Variants in INTU observed in about 807,000 individuals in gnomAD.
INTU encodes protein inturned.
In INTU, 68 loss-of-function variants were observed where a neutral mutation model predicts 100.5. The observed-to-expected ratio is 0.68, with a 90% CI of 0.56 to 0.83. INTU has a LOEUF of 0.83. Among genes scored for constraint, INTU ranks in the 40% least tolerant of loss-of-function variants. The probability of loss-of-function intolerance (pLI) is 0.00; values close to 1 mark genes in which losing one functional copy is unlikely to be tolerated. For synonymous variants in INTU, 357 were observed against 395.7 expected, an observed-to-expected ratio of 0.90 and a Z score of 1.16; for missense variants, 1,071 against 1,114.7, an observed-to-expected ratio of 0.96 and a Z score of 0.56.
intron 8 of INTU, among the ~76,000 whole-genome samples, chr4:127,694,957 C>T (rs374205195): frequency 9.2e-5 from 14 of 152,260 alleles, no homozygotes; most frequent in Middle Eastern, 3.4e-3. Flanking sequence ...AGACTTTGTT[C>T]TCCTCATTCA....
intron 2 of INTU, among the ~76,000 whole-genome samples, chr4:127,656,186 C>T (rs953459854): frequency 1.2e-4 from 18 of 152,156 alleles, no homozygotes; most frequent in Admixed American, 4.6e-4. Context: ...CTGTCTTCTG[C>T]GTCGCTCACA....
intron 6 of INTU, among the ~76,000 whole-genome samples, chr4:127,682,305 G>T (rs1337887126): frequency 1.3e-5 from 2 of 151,962 alleles, no homozygotes; most frequent in African/African-American, 4.8e-5. Context: ...ACATGCACAC[G>T]TATGTTTATT....
chr4:127,693,406 T>G (rs1296398167), intron 8 of INTU, among the ~76,000 whole-genome samples: 1 of 152,192 alleles, frequency 6.6e-6, no homozygotes, highest in Non-Finnish European at 1.5e-5. Flanking sequence ...AGCTACTGAT[T>G]TGTGTACATT....
At chr4:127,633,245 G>C in intron 1 of INTU, 65 bp downstream of exon 1, 1 of 1,546,462 alleles carries the variant, frequency 6.5e-7, no homozygotes, top group Non-Finnish European at 8.9e-7. Context: ...CACGTGGGCT[G>C]GGGGAACTGC....
chr4:127,650,454 A>G (rs1245747377), intron 2 of INTU, among the ~76,000 whole-genome samples: 1 of 145,826 alleles, frequency 6.9e-6, no homozygotes, highest in East Asian at 2.0e-4. Flanking sequence ...ATTCCCATCT[A>G]TGAGTGAGAA....
At chr4:127,708,261 A>G (rs1730967601) in intron 12 of INTU, among the ~76,000 whole-genome samples, 1 of 152,204 alleles carries the variant, frequency 6.6e-6, no homozygotes. Context: ...ACAGAGATGA[A>G]TAAGACACAG....
intron 2 of INTU, among the ~76,000 whole-genome samples, chr4:127,653,419 G>T (rs1481382687): frequency 1.4e-5 from 2 of 144,286 alleles, no homozygotes; most frequent in African/African-American, 5.2e-5. Flanking sequence ...CTGGTATGTT[G>T]TGTCTTTGTT....
intron 1 of INTU, among the ~76,000 whole-genome samples, chr4:127,640,674 A>G (rs116299261): frequency 0.02 from 2,971 of 148,352 alleles, 44 homozygotes; most frequent in Non-Finnish European, 0.03. Flanking sequence ...AAAGCTTATC[A>G]GTAGGTGAAT....
At chr4:127,704,509 C>T (rs1730790017) in intron 10 of INTU, among the ~76,000 whole-genome samples, 1 of 152,150 alleles carries the variant, frequency 6.6e-6, no homozygotes, top group Non-Finnish European at 1.5e-5. Context: ...AATTTCTGGG[C>T]TTAAGCAATT....
intron 1 of INTU, among the ~76,000 whole-genome samples, chr4:127,635,919 T>C (rs2126169808): frequency 6.6e-6 from 1 of 152,306 alleles, no homozygotes; most frequent in African/African-American, 2.4e-5. Context: ...TTTGTCTGCC[T>C]TCTTTTATTC....
chr4:127,668,667 C>A (rs1054911135), intron 4 of INTU, among the ~76,000 whole-genome samples: 1 of 150,622 alleles, frequency 6.6e-6, no homozygotes, highest in Non-Finnish European at 1.5e-5. Flanking sequence ...CCACAGGGGA[C>A]GAGAATAACT....
intron 1 of INTU, among the ~76,000 whole-genome samples, chr4:127,640,946 C>G (rs1333369301): frequency 6.6e-6 from 1 of 151,900 alleles, no homozygotes; most frequent in African/African-American, 2.4e-5. Flanking sequence ...TGAGTCTGCA[C>G]ATGGGTACTC....
chr4:127,700,689 C>A (rs1432637969), intron 9 of INTU, among the ~76,000 whole-genome samples: 4 of 151,848 alleles, frequency 2.6e-5, no homozygotes, highest in Non-Finnish European at 5.9e-5. Flanking sequence ...TGAAGAGGCT[C>A]CCTGTTGAAC....
intron 5 of INTU, among the ~76,000 whole-genome samples, chr4:127,673,508 A>C (rs1321640759): frequency 2.0e-5 from 3 of 151,894 alleles, no homozygotes; most frequent in Non-Finnish European, 4.4e-5. Flanking sequence ...TTTGGAAAAA[A>C]AAATTATATT....
At position 127,666,577 on chromosome 4, in the gene INTU, A is replaced by G. The variant is rs951953969; in HGVS notation, c.973-2459A>G. ...GAAGCTGTCGTGGGAATCAGCCCTCAGGACAGCCCTGCTTCTGTCTTTCTG... is the reference window on the plus strand; with the variant it reads ...GAAGCTGTCGTGGGAATCAGCCCTCGGGACAGCCCTGCTTCTGTCTTTCTG... On this transcript the variant is annotated intron_variant, in intron 4 of 15. Transcript: ENST00000335251. 6.6e-5 allele frequency among the ~76,000 whole-genome samples: 10 copies of G among 152,150 alleles called. 1 individual carries two copies. Among genetic ancestry groups the G allele is most frequent in the Middle Eastern group, 3.2e-3 (1 of 316 alleles).
intron 12 of INTU, among the ~76,000 whole-genome samples, chr4:127,707,751 T>C (rs1355213045): frequency 6.6e-6 from 1 of 152,240 alleles, no homozygotes. Flanking sequence ...CTAAAGAGGA[T>C]GTTCATTTTT....
At position 127,722,135 on chromosome 4, in the gene INTU, G is replaced by C. The variant is rs1731354548; in HGVS notation, c.*5699G>C. On this transcript the variant is annotated 3_prime_UTR_variant, in exon 16 of 16. Transcript: ENST00000335251. ...TTTGAGTCTGCTGACTTTTGGATGA[G>C]GTTTTTGTGGTGTCTTTTTTGTTGA... 6.6e-6 allele frequency: 1 copy of C among 152,200 alleles called. No individual in the cohort carries two copies. Among genetic ancestry groups the C allele is most frequent in the Admixed American group, 6.5e-5 (1 of 15,284 alleles). The allele number at this position is 152,200 out of a possible 1,614,324, so 9.4% of individuals were successfully genotyped here.
chr4:127,636,626 A>AG (rs1243131322), intron 1 of INTU, among the ~76,000 whole-genome samples: 1 of 152,042 alleles, frequency 6.6e-6, no homozygotes, highest in Non-Finnish European at 1.5e-5. Context: ...AAAAAAAAAA[A>AG]AAAAAATCTG....
At chr4:127,706,465 T>A (rs777885104) in intron 11 of INTU, 22 bp from the exon 12 acceptor site, 2 of 1,573,738 alleles carry the variant, frequency 1.3e-6, no homozygotes, top group Non-Finnish European at 1.7e-6. Flanking sequence ...TAAACCTACA[T>A]TTGTAATTTT....
Sources: gnomAD v4.1 joint callset for allele counts (sites outside exome capture counted in the v4.1 genomes callset) on GRCh38, gnomAD v4.1.1 for gene constraint, MANE v1.5 for transcripts, NCBI Gene and HGNC (gene_info 2026-07-23, HGNC 2026-07-21) for gene names.